TDRD9: variants seen among roughly 807,000 people sequenced by gnomAD.
The protein encoded by TDRD9 is tudor domain containing 9.
Under a neutral mutation model 172.6 loss-of-function variants are expected in TDRD9, and 124 were observed. The observed-to-expected ratio is 0.72, with a 90% CI of 0.62 to 0.83. The LOEUF (loss-of-function observed/expected upper bound fraction) is 0.83. Ranked by LOEUF, TDRD9 falls within the 40% of genes least tolerant of loss-of-function variation. The probability of loss-of-function intolerance (pLI) is 0.00; values close to 1 mark genes in which losing one functional copy is unlikely to be tolerated. For synonymous variants in TDRD9, 619 were observed against 617.1 expected (o/e 1.00, Z -0.05); for missense variants, 1,479 against 1,714.1 (o/e 0.86, Z 2.42).
chr14:103,934,554 G>C lies in TDRD9; in HGVS notation c.215+5830G>C, dbSNP rs1211595360. Among the ~76,000 whole-genome samples, 3 of 152,278 alleles carry C rather than the reference G, an allele frequency of 2.0e-5. No individual in the cohort carries two copies. In the East Asian group the frequency reaches 5.8e-4, roughly 29 times the overall value. On this transcript the variant is annotated intron_variant, in intron 1 of 35. Transcript: ENST00000409874. ...AGCACTTTGGGAGGCCGAGGCGGGT[G>C]GATCATGAAGTCAGGAGATGGAGAC...
intron 35 of TDRD9, 142 bp from the exon 36 acceptor site, chr14:104,051,839 T>A: frequency 1.8e-6 from 1 of 550,874 alleles, no homozygotes. Context: ...TAGTATGAAG[T>A]GTGAGAGTAG....
intron 28 of TDRD9, among the ~76,000 whole-genome samples, chr14:104,028,226 T>C (rs10137997): frequency 0.33 from 50,258 of 151,994 alleles, 8,481 homozygotes; most frequent in Middle Eastern, 0.36. Flanking sequence ...GATTGCCAGA[T>C]TGTATGTTCG....
At chr14:104,046,177 G>C (rs1050802919) in intron 34 of TDRD9, among the ~76,000 whole-genome samples, 2 of 152,142 alleles carry the variant, frequency 1.3e-5, no homozygotes, top group African/African-American at 4.8e-5. Context: ...GAATGATCTC[G>C]ATCTCTTGAC....
At chr14:103,953,113 C>T (rs540473347) in intron 1 of TDRD9, among the ~76,000 whole-genome samples, 1 of 152,274 alleles carries the variant, frequency 6.6e-6, no homozygotes, top group African/African-American at 2.4e-5. Context: ...CAGAGCCATG[C>T]TGTTAAACTA....
At chr14:103,949,119 A>C (rs908637181) in intron 1 of TDRD9, among the ~76,000 whole-genome samples, 4 of 152,216 alleles carry the variant, frequency 2.6e-5, no homozygotes, top group Non-Finnish European at 5.9e-5. Flanking sequence ...GAATGTATTT[A>C]ATACCACTGA....
intron 1 of TDRD9, among the ~76,000 whole-genome samples, chr14:103,934,604 C>T (rs1446580858): frequency 6.6e-6 from 1 of 152,186 alleles, no homozygotes; most frequent in Non-Finnish European, 1.5e-5. Flanking sequence ...CAGTGAAACC[C>T]CGTCTCTACT....
At chr14:103,964,201 C>T (rs1016580706) in intron 3 of TDRD9, among the ~76,000 whole-genome samples, 13 of 152,086 alleles carry the variant, frequency 8.5e-5, no homozygotes, top group African/African-American at 2.7e-4. Context: ...CATGATTGTG[C>T]CACTGCACTC....
At chr14:103,991,068 TC>T in intron 8 of TDRD9, 91 bp from the exon 9 acceptor site, 1 of 1,447,592 alleles carries the variant, frequency 6.9e-7, no homozygotes, top group Non-Finnish European at 9.6e-7. Flanking sequence ...TAAGAGCCTT[TC>T]AGGATTAAAA....
intron 4 of TDRD9, 94 bp downstream of exon 4, chr14:103,965,648 T>A: frequency 8.7e-7 from 1 of 1,152,228 alleles, no homozygotes. Context: ...TGATAGTATG[T>A]GACCATTTTC....
At chr14:103,937,824 C>T (rs546441462) in intron 1 of TDRD9, among the ~76,000 whole-genome samples, 6 of 151,084 alleles carry the variant, frequency 4.0e-5, no homozygotes, top group Admixed American at 3.3e-4. Context: ...ACAAAAAATT[C>T]TCTATGACTT....
chr14:104,011,240 A>G (rs1443757102), intron 20 of TDRD9, among the ~76,000 whole-genome samples: 1 of 152,082 alleles, frequency 6.6e-6, no homozygotes, highest in Non-Finnish European at 1.5e-5. Flanking sequence ...CTTGTTTGTA[A>G]TGTTTTCTCC....
intron 6 of TDRD9, among the ~76,000 whole-genome samples, chr14:103,974,137 G>T (rs1452960362): frequency 6.6e-6 from 1 of 152,208 alleles, no homozygotes; most frequent in African/African-American, 2.4e-5. Context: ...AGGAGGCTGA[G>T]GTTGCAGTGA....
chr14:103,959,320 ACTC>A (rs959161878), intron 2 of TDRD9, among the ~76,000 whole-genome samples: 1 of 151,546 alleles, frequency 6.6e-6, no homozygotes, highest in Non-Finnish European at 1.5e-5. Context: ...TAGGCCTTGA[ACTC>A]CTAGACTCAA....
At chr14:103,948,471 A>G (rs1282643146) in intron 1 of TDRD9, among the ~76,000 whole-genome samples, 1 of 152,134 alleles carries the variant, frequency 6.6e-6, no homozygotes, top group Non-Finnish European at 1.5e-5. Context: ...TTACTATATG[A>G]TCCAGCAATT....
chr14:104,043,765 A>C (rs756225305), intron 34 of TDRD9, among the ~76,000 whole-genome samples: 1 of 152,206 alleles, frequency 6.6e-6, no homozygotes, highest in Non-Finnish European at 1.5e-5. Context: ...TAGTGAATTT[A>C]TAGTTGTGCA....
At chr14:103,948,888 C>CAAAAAA (rs57817688) in intron 1 of TDRD9, among the ~76,000 whole-genome samples, 9 of 114,608 alleles carry the variant, frequency 7.9e-5, no homozygotes, top group South Asian at 6.2e-4. Context: ...GACTCCATCT[C>CAAAAAA]AAAAAAAAAA....
At chr14:103,959,478 G>GTGTGTGTA (rs1479289147) in intron 2 of TDRD9, among the ~76,000 whole-genome samples, 2 of 134,520 alleles carry the variant, frequency 1.5e-5, no homozygotes, top group South Asian at 2.4e-4. Context: ...GTGTGTGTGT[G>GTGTGTGTA]TGTATGTATA....
chr14:103,980,151 G>T lies in TDRD9; in HGVS notation c.1011+4598G>T, dbSNP rs145487235. On this transcript the variant is annotated intron_variant, in intron 7 of 35. Coordinates refer to ENST00000409874, the MANE Select transcript of TDRD9 (RefSeq NM_153046.3). The surrounding 1 kb of genome is among the most constrained non-coding windows in gnomAD (Gnocchi z 4.5). ...ACAGGGTCGGTGGGTTTTTCTCCCCGTGTGCAGAGATGAGAGATTGTAGAA... is the reference window on the plus strand; with the variant it reads ...ACAGGGTCGGTGGGTTTTTCTCCCCTTGTGCAGAGATGAGAGATTGTAGAA... Among the ~76,000 whole-genome samples the T allele has an allele frequency of 3.2e-3, 493 of 152,164 alleles. 2 individuals carry two copies. The highest frequency in any genetic ancestry group is 6.8e-3 in the Middle Eastern group (2 of 294).
intron 2 of TDRD9, among the ~76,000 whole-genome samples, chr14:103,959,234 G>A (rs1026967249): frequency 6.6e-6 from 1 of 152,082 alleles, no homozygotes; most frequent in Admixed American, 6.6e-5. Flanking sequence ...ACAGGGTGAG[G>A]GAGGAGGCCA....
Sources: allele counts gnomAD v4.1 joint callset (sites outside exome capture counted in the v4.1 genomes callset), GRCh38; gene constraint gnomAD v4.1.1; non-coding constraint Gnocchi (gnomAD v3.1); transcripts MANE v1.5; gene names NCBI Gene and HGNC (gene_info 2026-07-23, HGNC 2026-07-21).